Variants in CFAP52 observed in about 807,000 individuals in gnomAD.
CFAP52 encodes cilia and flagella associated protein 52.
A neutral mutation model predicts 70.5 loss-of-function variants in CFAP52; 57 were observed. That is an observed-to-expected ratio of 0.81 (90% confidence interval 0.65 to 1.01). The LOEUF is 1.01. CFAP52 is among the 50% of genes least tolerant of loss of function. The pLI is 0.00. For synonymous variants in CFAP52, 267 were observed against 292.5 expected, an observed-to-expected ratio of 0.91 and a Z score of 0.89; for missense variants, 785 against 788.5, an observed-to-expected ratio of 1.00 and a Z score of 0.05.
At chr17:9,630,934 C>G (rs1313921617) in intron 9 of CFAP52, among the ~76,000 whole-genome samples, 1 of 146,916 alleles carries the variant, frequency 6.8e-6, no homozygotes, top group Non-Finnish European at 1.5e-5. Flanking sequence ...TGCAGTGAGC[C>G]AAGATCGCAC....
intron 1 of CFAP52, chr17:9,584,452 G>A (rs1214122539): frequency 3.7e-5 from 40 of 1,088,188 alleles, no homozygotes; most frequent in Non-Finnish European, 4.8e-5. Context: ...TATTAAGGTT[G>A]TATCAATTTA....
chr17:9,593,205 CT>C (rs1567622853), intron 3 of CFAP52, among the ~76,000 whole-genome samples: 1 of 152,078 alleles, frequency 6.6e-6, no homozygotes, highest in African/African-American at 2.4e-5. Flanking sequence ...ATAACGCCCC[CT>C]CCCCAGCATT....
intron 3 of CFAP52, among the ~76,000 whole-genome samples, chr17:9,590,876 G>A (rs1597768771): frequency 1.3e-5 from 2 of 151,982 alleles, no homozygotes; most frequent in East Asian, 3.9e-4. Flanking sequence ...TGGTGAGAAG[G>A]GTGGAGTTCT....
chr17:9,632,756 C>A, intron 9 of CFAP52, 132 bp from the exon 10 acceptor site: 2 of 1,321,114 alleles, frequency 1.5e-6, no homozygotes, highest in Non-Finnish European at 2.0e-6. Flanking sequence ...GACCAGCATT[C>A]AGCTGAGCTG....
chr17:9,623,789 G>A (rs1443827296), intron 8 of CFAP52, among the ~76,000 whole-genome samples: 1 of 152,090 alleles, frequency 6.6e-6, no homozygotes, highest in South Asian at 2.1e-4. Context: ...CTAAACACCT[G>A]GTCTCAAGTG....
In CFAP52 at chr17:9,594,316, T is replaced by A. The variant is rs771541433; in HGVS notation, c.531T>A (p.Ala177=). ...GCCGGGATGAGATGTTTATGACTGC[T>A]GGAAAGTATGTGTCTGCGTTCGGAG... The part of the protein sequence containing the change: ...SRCRDEMFMT[A]GNGTIRVWEL... The change falls in exon 4 of 14, where the codon GCT becomes GCA. Residue 177 remains alanine (A), a synonymous_variant. Coordinates refer to ENST00000352665, the MANE Select transcript of CFAP52 (RefSeq NM_145054.5). The A allele has an allele frequency of 3.1e-6, 5 of 1,612,364 alleles. No homozygotes were observed. The East Asian group carries it at 1.1e-4, about 36-fold the overall frequency.
intron 11 of CFAP52, among the ~76,000 whole-genome samples, chr17:9,638,365 C>A (rs549852776): frequency 6.6e-6 from 1 of 152,236 alleles, no homozygotes; most frequent in African/African-American, 2.4e-5. Context: ...TAGGAAAGGG[C>A]CCTTCCCATT....
At chr17:9,580,582 G>A (rs146008600) in intron 1 of CFAP52, among the ~76,000 whole-genome samples, 3,130 of 151,788 alleles carry the variant, frequency 0.021, 115 homozygotes, top group South Asian at 0.071. Flanking sequence ...CCAGCTATTC[G>A]AGAGGCTGAG....
intron 13 of CFAP52, among the ~76,000 whole-genome samples, chr17:9,642,352 G>C (rs1421595824): frequency 6.6e-6 from 1 of 152,202 alleles, no homozygotes; most frequent in Non-Finnish European, 1.5e-5. Context: ...GGCCAGGCGT[G>C]GTGGCTCATG....
At chr17:9,645,481 GC>G (rs1008508743), downstream of CFAP52, 57 of 726,586 alleles carry the variant, frequency 7.8e-5, no homozygotes, top group African/African-American at 9.3e-4. This position sits in a 1 kb window ranked among gnomAD's most constrained non-coding sequence, Gnocchi z 6.8. Context: ...GGGCGGGGCT[GC>G]CCCGCCCTTG....
chr17:9,609,239 GA>G (rs59502035), intron 7 of CFAP52, among the ~76,000 whole-genome samples: 97,074 of 150,998 alleles, frequency 0.64, 32,832 homozygotes, highest in Non-Finnish European at 0.74. Flanking sequence ...CATAAAAGAT[GA>G]AAAAAAAAAT....
At position 9,592,758 on chromosome 17, in the gene CFAP52, A is replaced by G. The variant is rs1908821202; in HGVS notation, c.408-1435A>G. Among the ~76,000 whole-genome samples, 3 of 152,236 alleles carry G rather than the reference A, an allele frequency of 2.0e-5. No homozygotes were observed. The South Asian group carries it at 6.2e-4, about 32-fold the overall frequency. ...CAGCCTACTTTATCTTCATCTATGC[A>G]TCAGCTGATGAACTTTGAGTCATTT... is the stretch of plus-strand genomic sequence containing the variant. On this transcript the variant is annotated intron_variant, in intron 3 of 13. Transcript: ENST00000352665.
intron 8 of CFAP52, among the ~76,000 whole-genome samples, chr17:9,615,757 T>TACC (rs1030029816): frequency 6.6e-6 from 1 of 150,530 alleles, no homozygotes; most frequent in African/African-American, 2.4e-5. Context: ...TGCAGGCATG[T>TACC]ACCACCATGC....
chr17:9,626,459 A>G (rs933987894), intron 8 of CFAP52, among the ~76,000 whole-genome samples: 1 of 152,088 alleles, frequency 6.6e-6, no homozygotes, highest in Non-Finnish European at 1.5e-5. Flanking sequence ...CAAACTCCTG[A>G]CCTCAGGTGA....
At chr17:9,642,849 T>C (rs993237671) in intron 13 of CFAP52, among the ~76,000 whole-genome samples, 174 bp from the exon 14 acceptor site, 9 of 152,202 alleles carry the variant, frequency 5.9e-5, no homozygotes, top group Non-Finnish European at 1.3e-4. Flanking sequence ...CTCTTTGTAT[T>C]TCCCCCTCCT....
intron 3 of CFAP52, among the ~76,000 whole-genome samples, chr17:9,593,205 C>T (rs997260297): frequency 1.2e-4 from 19 of 152,196 alleles, no homozygotes; most frequent in African/African-American, 4.3e-4. Context: ...ATAACGCCCC[C>T]TCCCCAGCAT....
intron 1 of CFAP52, among the ~76,000 whole-genome samples, chr17:9,580,746 A>G (rs1387616461): frequency 1.2e-5 from 1 of 83,952 alleles, no homozygotes; most frequent in Admixed American, 1.8e-4. Context: ...CAAACTGGCA[A>G]AGGCAAAAAA....
chr17:9,607,081 C>T (rs944356942), intron 6 of CFAP52, among the ~76,000 whole-genome samples: 1 of 152,180 alleles, frequency 6.6e-6, no homozygotes, highest in Admixed American at 6.5e-5. Flanking sequence ...TGTGGTGGCT[C>T]ACACCTGTAA....
chr17:9,632,820 G>A, intron 9 of CFAP52, 68 bp from the exon 10 acceptor site: 2 of 1,566,438 alleles, frequency 1.3e-6, no homozygotes, highest in Non-Finnish European at 1.7e-6. Context: ...CCTTAGTGAG[G>A]CCAGCAGACT....
Sources: allele counts gnomAD v4.1 joint callset (sites outside exome capture counted in the v4.1 genomes callset), GRCh38; gene constraint gnomAD v4.1.1; non-coding constraint Gnocchi (gnomAD v3.1); transcripts MANE v1.5; gene names NCBI Gene and HGNC (gene_info 2026-07-23, HGNC 2026-07-21).